The following IQCM variants were observed in gnomAD, a reference collection of about 807,000 sequenced individuals.
IQCM encodes the protein IQ motif containing M.
IQCM carries 45 observed loss-of-function variants against 57.6 expected under a neutral mutation model. The ratio of observed to expected loss-of-function variants is 0.78; its 90% CI spans 0.62 to 1.00. The LOEUF is 1.00. Ranked by LOEUF, IQCM falls within the 50% of genes least tolerant of loss-of-function variation. The pLI is 0.00. For synonymous variants in IQCM, 148 were observed against 158.9 expected, an observed-to-expected ratio of 0.93 and a Z score of 0.51; for missense variants, 468 against 511.6, an observed-to-expected ratio of 0.91 and a Z score of 0.82.
chr4:149,378,401 C>T (rs927912374), intron 13 of IQCM, among the ~76,000 whole-genome samples: 1 of 152,112 alleles, frequency 6.6e-6, no homozygotes, highest in African/African-American at 2.4e-5. Context: ...ATGGCTTTGA[C>T]CAAAATGCTG....
At chr4:149,599,100 G>A (rs111226952) in intron 8 of IQCM, among the ~76,000 whole-genome samples, 17 of 152,100 alleles carry the variant, frequency 1.1e-4, no homozygotes, top group African/African-American at 1.7e-4. Flanking sequence ...CCTATGCTTC[G>A]GGAGACATAT....
At chr4:149,437,853 C>T (rs1735518846) in intron 12 of IQCM, among the ~76,000 whole-genome samples, 1 of 152,068 alleles carries the variant, frequency 6.6e-6, no homozygotes, top group South Asian at 2.1e-4. Flanking sequence ...TGGGCAAGAA[C>T]ATCTCAGATG....
intron 12 of IQCM, among the ~76,000 whole-genome samples, chr4:149,540,569 A>C (rs540048963): frequency 6.6e-6 from 1 of 152,212 alleles, no homozygotes; most frequent in East Asian, 1.9e-4. Flanking sequence ...ATGAAAAGTC[A>C]AATTGCCTGA....
At chr4:149,750,242 C>T (rs1393663326) in intron 2 of IQCM, among the ~76,000 whole-genome samples, 9 of 152,200 alleles carry the variant, frequency 5.9e-5, no homozygotes, top group Non-Finnish European at 7.3e-5. Context: ...AACACACACA[C>T]ACTCTCCAAA....
Position 149,733,264 on chromosome 4 carries a change from G to A in IQCM, c.365C>T (p.Pro122Leu), listed in dbSNP as rs1766629596. The A allele has an allele frequency of 1.6e-6, 2 of 1,231,500 alleles. No individual in the cohort carries two copies. The highest frequency in any genetic ancestry group is 4.1e-5 in the South Asian group (1 of 24,308). 76.3% of individuals were successfully genotyped at this position (1,231,500 alleles called of 1,614,324 possible). A position where few individuals can be genotyped will look rare whatever the true frequency, so the allele number is the denominator to read the frequency against. Residue 122 changes from proline to leucine, a missense_variant, in exon 5 of 14, where the codon CCC becomes CTC. Coordinates refer to ENST00000636793, the MANE Select transcript of IQCM (RefSeq NM_001363507.2). ...HIFSRRERCRPIDLITKGQVK... is the reference protein window; with the variant it reads ...HIFSRRERCRLIDLITKGQVK... ...CTTACCTTTTGTAATTAGATCTATG[G>A]GCCTGCATCTTTCTCTTCTACTAAA...
At chr4:149,514,443 T>C (rs1344518914) in intron 12 of IQCM, 1 of 152,204 alleles carries the variant, frequency 6.6e-6, no homozygotes, top group Non-Finnish European at 1.5e-5. Context: ...TAAACAAATC[T>C]TACAGAAACT....
At chr4:149,689,473 C>G (rs756266553) in intron 5 of IQCM, among the ~76,000 whole-genome samples, 1 of 151,888 alleles carries the variant, frequency 6.6e-6, no homozygotes, top group Non-Finnish European at 1.5e-5. Context: ...CAGCAAACCA[C>G]CATGGCACAT....
chr4:149,552,795 T>C (rs533345331), intron 11 of IQCM, among the ~76,000 whole-genome samples: 1 of 152,202 alleles, frequency 6.6e-6, no homozygotes, highest in Non-Finnish European at 1.5e-5. Flanking sequence ...TAGGGGCTTA[T>C]CTATCCCCCA....
intron 5 of IQCM, among the ~76,000 whole-genome samples, chr4:149,694,127 G>A (rs1338703922): frequency 1.3e-5 from 2 of 149,460 alleles, no homozygotes; most frequent in Admixed American, 6.7e-5. Flanking sequence ...TTTGTTATAA[G>A]AATCAATAAA....
chr4:149,368,742 TTATATATATACATGTATA>T (rs1730017236), intron 13 of IQCM, among the ~76,000 whole-genome samples: 1 of 118,910 alleles, frequency 8.4e-6, no homozygotes, highest in Admixed American at 9.4e-5. Flanking sequence ...AAGGCACAAA[TTATATATATACATGTATA>T]TATATATATA....
At chr4:149,674,246 C>T (rs1206784935) in intron 7 of IQCM, among the ~76,000 whole-genome samples, 2 of 152,044 alleles carry the variant, frequency 1.3e-5, no homozygotes, top group African/African-American at 4.8e-5. Flanking sequence ...GGTAACTTTC[C>T]TCATTAAGTA....
rs144930349 is a variant in IQCM, at chr4:149,677,452, C to T, written c.565+4666G>A. On this transcript the variant is annotated intron_variant, in intron 7 of 13. Coordinates refer to ENST00000636793, the MANE Select transcript of IQCM (RefSeq NM_001363507.2). ...AACACTTGCTAGAGCTGAGACAAAT[C>T]TGGGCTTAAGGTGCCATCTAGAACT... Among the ~76,000 whole-genome samples, 414 of 152,178 alleles carry T rather than the reference C, an allele frequency of 2.7e-3. 4 individuals are homozygous for T. The highest frequency in any genetic ancestry group is 9.1e-3 in the African/African-American group (380 of 41,556).
intron 2 of IQCM, among the ~76,000 whole-genome samples, chr4:149,797,718 T>A (rs1773235493): frequency 6.6e-6 from 1 of 151,602 alleles, no homozygotes; most frequent in Non-Finnish European, 1.5e-5. Flanking sequence ...AGAGGTGTAA[T>A]ACGTCTAGCA....
chr4:149,690,423 G>A (rs1451783284), intron 5 of IQCM, among the ~76,000 whole-genome samples: 1 of 151,902 alleles, frequency 6.6e-6, no homozygotes, highest in Non-Finnish European at 1.5e-5. Flanking sequence ...GGACTTGGGG[G>A]GAAAGGTGGG....
intron 2 of IQCM, among the ~76,000 whole-genome samples, chr4:149,783,076 A>G (rs758326400): frequency 2.6e-5 from 4 of 152,190 alleles, no homozygotes; most frequent in South Asian, 2.1e-4. Context: ...ATGTATATCT[A>G]TAGTACAGAA....
intron 12 of IQCM, among the ~76,000 whole-genome samples, chr4:149,458,649 A>G (rs1312849468): frequency 6.6e-6 from 1 of 152,006 alleles, no homozygotes; most frequent in African/African-American, 2.4e-5. Context: ...TAAAAAGGAG[A>G]AATCCTAACT....
Position 149,423,310 on chromosome 4 carries a change from G to A in IQCM, c.1390+10086C>T, listed in dbSNP as rs537036093. Reference sequence around the variant, plus strand: ...GCCACTTACAAAGCCATCAGATCTCGTGAGAACTCACACACCATCATGAGA... The same window carrying A: ...GCCACTTACAAAGCCATCAGATCTCATGAGAACTCACACACCATCATGAGA... On this transcript the variant is annotated intron_variant, in intron 13 of 13. Coordinates refer to ENST00000636793, the MANE Select transcript of IQCM (RefSeq NM_001363507.2). Among the ~76,000 whole-genome samples, 20 of 152,120 alleles carry A rather than the reference G, an allele frequency of 1.3e-4. No homozygotes were observed. In the South Asian group the frequency reaches 1.5e-3, roughly 11 times the overall value.
intron 8 of IQCM, among the ~76,000 whole-genome samples, chr4:149,592,739 T>C (rs1352801587): frequency 6.6e-6 from 1 of 152,136 alleles, no homozygotes. Context: ...CTTGTTTTTG[T>C]CAGGTTTGTC....
chr4:149,669,046 G>A (rs1349867844), intron 7 of IQCM, among the ~76,000 whole-genome samples: 1 of 151,960 alleles, frequency 6.6e-6, no homozygotes, highest in African/African-American at 2.4e-5. Context: ...TTACTCAACT[G>A]ATAGAAGATG....
Sources: allele counts gnomAD v4.1 joint callset (sites outside exome capture counted in the v4.1 genomes callset), GRCh38; gene constraint gnomAD v4.1.1; transcripts MANE v1.5; gene names NCBI Gene and HGNC (gene_info 2026-07-23, HGNC 2026-07-21).